Variants in PHF2 observed in about 807,000 individuals in gnomAD.
The protein encoded by PHF2 is lysine-specific demethylase PHF2.
A neutral mutation model predicts 120.5 loss-of-function variants in PHF2; 27 were observed. The ratio of observed to expected loss-of-function variants is 0.22; its 90% CI spans 0.17 to 0.31. The LOEUF (loss-of-function observed/expected upper bound fraction) is 0.31. Ranked by LOEUF, PHF2 falls within the 10% of genes least tolerant of loss-of-function variation. PHF2 has a pLI of 1.00. For synonymous variants in PHF2, 568 were observed against 592.5 expected, an observed-to-expected ratio of 0.96 and a Z score of 0.60; for missense variants, 1,024 against 1,434.8, an observed-to-expected ratio of 0.71 and a Z score of 4.63.
Position 93,675,028 on chromosome 9 carries a change from G to C in PHF2, c.2722+6G>C, listed in dbSNP as rs768699788. On this transcript the variant is annotated splice_donor_region_variant and intron_variant, in intron 19 of 21. Transcript: ENST00000359246. ...CGCTCCCTACAGCCCAACAGGTAGTGCTGGGACAGGGGTAGGGGGTCCACC... is the reference window on the plus strand; with the variant it reads ...CGCTCCCTACAGCCCAACAGGTAGTCCTGGGACAGGGGTAGGGGGTCCACC... 1.2e-6 allele frequency: 2 copies of C among 1,610,556 alleles called. No homozygotes were observed. Among genetic ancestry groups the C allele is most frequent in the Non-Finnish European group, 1.7e-6 (2 of 1,177,332 alleles).
chr9:93,601,954 G>A (rs944531473), intron 1 of PHF2, among the ~76,000 whole-genome samples: 1 of 151,792 alleles, frequency 6.6e-6, no homozygotes, highest in Non-Finnish European at 1.5e-5. Context: ...GTGGGGTGGG[G>A]GTGGCCAGCC....
chr9:93,632,831 G>A (rs1826023215), intron 2 of PHF2, among the ~76,000 whole-genome samples: 1 of 152,222 alleles, frequency 6.6e-6, no homozygotes, highest in Non-Finnish European at 1.5e-5. Flanking sequence ...CAGATTTTCA[G>A]TTGTTACTGA....
intron 2 of PHF2, among the ~76,000 whole-genome samples, chr9:93,635,145 A>G (rs1757502602): frequency 6.6e-6 from 1 of 152,118 alleles, no homozygotes; most frequent in African/African-American, 2.4e-5. Flanking sequence ...CCAAGTTTCC[A>G]TAATGTCCAC....
chr9:93,648,398 C>T (rs1826299088), intron 4 of PHF2, among the ~76,000 whole-genome samples: 2 of 152,248 alleles, frequency 1.3e-5, no homozygotes, highest in Admixed American at 6.5e-5. Context: ...TGGCCACACT[C>T]TTGCAGTGAT....
chr9:93,610,343 T>A (rs565003131), intron 1 of PHF2, among the ~76,000 whole-genome samples: 1 of 152,352 alleles, frequency 6.6e-6, no homozygotes, highest in South Asian at 2.1e-4. Flanking sequence ...TTGGCATATC[T>A]TCAGGCTCTC....
intron 17 of PHF2, chr9:93,672,662 G>A (rs1020091063): frequency 9.1e-6 from 9 of 984,546 alleles, no homozygotes; most frequent in Non-Finnish European, 9.6e-6. Context: ...AGGTACAGGT[G>A]TAGATGCAGG....
intron 1 of PHF2, among the ~76,000 whole-genome samples, chr9:93,620,878 A>G (rs1179074376): frequency 6.6e-6 from 1 of 152,248 alleles, no homozygotes; most frequent in Non-Finnish European, 1.5e-5. Context: ...ACAATAAAAT[A>G]AATGCCCAGT....
Position 93,659,525 on chromosome 9 carries a change from T to C in PHF2, c.1254T>C (p.His418=). 2 of 1,614,046 alleles carry C rather than the reference T, an allele frequency of 1.2e-6. No individual in the cohort carries two copies. The highest frequency in any genetic ancestry group is 2.2e-5 in the South Asian group (2 of 91,082). The change falls in exon 11 of 22, where the codon CAT becomes CAC. Residue 418 remains histidine (H), a synonymous_variant. Coordinates refer to ENST00000359246, the MANE Select transcript of PHF2 (RefSeq NM_005392.4). ...SWTKKQALAE[H]EDELPEHFKP... Reference sequence around the variant, plus strand: ...TTGTCCTGCAGGCTTTGGCAGAGCATGAGGACGAGCTCCCGGAGCACTTCA... The same window carrying C: ...TTGTCCTGCAGGCTTTGGCAGAGCACGAGGACGAGCTCCCGGAGCACTTCA...
rs565771275 is a variant in PHF2, at chr9:93,677,733, A to G, written c.*57A>G. ...TCAGGACCCCCGGAGCCCCGCGAAA[A>G]CATCTGCCTCCCAGGAGGGTGCCGA... On this transcript the variant is annotated 3_prime_UTR_variant, in exon 22 of 22. Coordinates refer to ENST00000359246, the MANE Select transcript of PHF2 (RefSeq NM_005392.4). The surrounding 1 kb of genome is among the most constrained non-coding windows in gnomAD (Gnocchi z 4.4). 375 of 1,348,800 alleles carry G rather than the reference A, an allele frequency of 2.8e-4. 2 individuals carry two copies. Among genetic ancestry groups the G allele is most frequent in the Middle Eastern group, 1.7e-3 (9 of 5,440 alleles). 83.6% of individuals were successfully genotyped at this position (1,348,800 alleles called of 1,614,324 possible). A position where few individuals can be genotyped will look rare whatever the true frequency, so the allele number is the denominator to read the frequency against.
chr9:93,592,628 G>A (rs1825250070), intron 1 of PHF2, among the ~76,000 whole-genome samples: 1 of 152,182 alleles, frequency 6.6e-6, no homozygotes, highest in African/African-American at 2.4e-5. Context: ...GCCAAAGCGT[G>A]CTGTTGTCCG....
chr9:93,630,979 TCA>T (rs1363648965), intron 2 of PHF2, among the ~76,000 whole-genome samples: 1 of 152,104 alleles, frequency 6.6e-6, no homozygotes, highest in African/African-American at 2.4e-5. Flanking sequence ...TGGCTCCAGG[TCA>T]CAGCCAGTCT....
Position 93,636,442 on chromosome 9 carries a change from C to G in PHF2, c.216C>G (p.Gly72=). ...AGAAGCGGACCTGGCACAAACACGG[C>G]CCGGGGCAAGCGCCTGACGTCAAGC... ...LKKKRTWHKH[G]PGQAPDVKPV... Residue 72 remains glycine, a synonymous_variant, in exon 3 of 22, where the codon GGC becomes GGG. Coordinates refer to ENST00000359246, the MANE Select transcript of PHF2 (RefSeq NM_005392.4). The G allele has an allele frequency of 1.2e-6, 2 of 1,610,092 alleles. No individual in the cohort carries two copies. The highest frequency in any genetic ancestry group is 1.7e-6 in the Non-Finnish European group (2 of 1,178,420).
At chr9:93,603,848 A>G (rs563682455) in intron 1 of PHF2, among the ~76,000 whole-genome samples, 1 of 152,148 alleles carries the variant, frequency 6.6e-6, no homozygotes, top group Non-Finnish European at 1.5e-5. Flanking sequence ...GCATCCCCAT[A>G]GGGTTCTGTG....
Position 93,656,364 on chromosome 9 carries a change from GTCC to G in PHF2, c.1041-119_1041-117del. 1.4e-6 allele frequency: 1 copy of G among 712,772 alleles called. No homozygotes were observed. The highest frequency in any genetic ancestry group is 2.4e-6 in the Non-Finnish European group (1 of 413,278). 44.2% of individuals were successfully genotyped at this position (712,772 alleles called of 1,614,324 possible). A position where few individuals can be genotyped will look rare whatever the true frequency, so the allele number is the denominator to read the frequency against. Reference sequence around the variant, plus strand: ...CAGCCACCAGGGCAGTTTTCCCCTGGTCCTCCTCAGCTATGCAGGGCCCAGTGG... The same window carrying G: ...CAGCCACCAGGGCAGTTTTCCCCTGGTCCTCAGCTATGCAGGGCCCAGTGG... On this transcript the variant is annotated intron_variant, in intron 8 of 21. Coordinates refer to ENST00000359246, the MANE Select transcript of PHF2 (RefSeq NM_005392.4). The surrounding 1 kb of genome is among the most constrained non-coding windows in gnomAD (Gnocchi z 4.1).
intron 1 of PHF2, among the ~76,000 whole-genome samples, chr9:93,591,411 T>A (rs1825221494): frequency 7.7e-6 from 1 of 130,078 alleles, no homozygotes; most frequent in East Asian, 2.2e-4. Flanking sequence ...AGGAGCAGGC[T>A]GTACCGTGGC....
chr9:93,636,356 G>A, intron 2 of PHF2, 55 bp from the exon 3 acceptor site: 1 of 1,391,758 alleles, frequency 7.2e-7, no homozygotes, highest in Non-Finnish European at 1.0e-6. Context: ...GGAAGTTGTG[G>A]AGCCCTGCTG....
At chr9:93,643,378 T>C (rs142419972) in intron 3 of PHF2, among the ~76,000 whole-genome samples, 1 of 152,346 alleles carries the variant, frequency 6.6e-6, no homozygotes, top group African/African-American at 2.4e-5. Context: ...AGGCCTTCCC[T>C]GTTGCTTTCA....
Position 93,643,070 on chromosome 9 carries a change from CTT to C in PHF2, c.300-2556_300-2555del, listed in dbSNP as rs575023624. Among the ~76,000 whole-genome samples, 88 of 152,018 alleles carry C rather than the reference CTT, an allele frequency of 5.8e-4. 1 individual carries two copies. The highest frequency in any genetic ancestry group is 1.7e-3 in the African/African-American group (69 of 41,464). On this transcript the variant is annotated intron_variant, in intron 3 of 21. Coordinates refer to ENST00000359246, the MANE Select transcript of PHF2 (RefSeq NM_005392.4). The stretch of plus-strand genomic sequence containing the variant: ...CTATTATCCTCAGTTCTGGTGATCT[CTT>C]TTGACTGGTGTGTCTATTGACTGAC...
chr9:93,630,317 C>G (rs923860898), intron 2 of PHF2, among the ~76,000 whole-genome samples: 1 of 152,256 alleles, frequency 6.6e-6, no homozygotes, highest in African/African-American at 2.4e-5. Context: ...CTTCTGAGGC[C>G]TAGCGAGAGG....
Sources: allele counts gnomAD v4.1 joint callset (sites outside exome capture counted in the v4.1 genomes callset), GRCh38; gene constraint gnomAD v4.1.1; non-coding constraint Gnocchi (gnomAD v3.1); transcripts MANE v1.5; gene names NCBI Gene and HGNC (gene_info 2026-07-23, HGNC 2026-07-21).